The following WNT7B variants were observed in gnomAD, a reference collection of about 807,000 sequenced individuals.
The protein encoded by WNT7B is Wnt family member 7B.
In WNT7B, 19 loss-of-function variants were observed where a neutral mutation model predicts 38.2. That is an observed-to-expected ratio of 0.50 (90% CI 0.35 to 0.73). WNT7B has a LOEUF of 0.73. Ranked by LOEUF, WNT7B falls within the 30% of genes least tolerant of loss-of-function variation. The pLI is 0.01. For synonymous variants in WNT7B, 243 were observed against 209.3 expected, an observed-to-expected ratio of 1.16 and a Z score of -1.39; for missense variants, 423 against 507.9, an observed-to-expected ratio of 0.83 and a Z score of 1.61.
rs1930898305 is a variant in WNT7B at position 45,920,684 on chromosome 22, AT to A, written c.*2171del. 1.9e-5 allele frequency: 1 copy of A among 52,154 alleles called. No homozygotes were observed. The highest frequency in any genetic ancestry group is 1.1e-4 in the African/African-American group (1 of 9,100). 3.2% of individuals were successfully genotyped at this position (52,154 alleles called of 1,614,324 possible). A position where few individuals can be genotyped will look rare whatever the true frequency, so the allele number is the denominator to read the frequency against. Reference sequence around the variant, plus strand: ...ATGGGGAATAGGGATGAGGGATGGGATGGGGGATGGGGTCAGGGATGGGATG... The same window carrying A: ...ATGGGGAATAGGGATGAGGGATGGGAGGGGGATGGGGTCAGGGATGGGATG... On this transcript the variant is annotated 3_prime_UTR_variant, in exon 4 of 4. Transcript: ENST00000339464.
intron 2 of WNT7B, among the ~76,000 whole-genome samples, chr22:45,939,144 T>C (rs1931581569): frequency 6.6e-6 from 1 of 152,134 alleles, no homozygotes; most frequent in Non-Finnish European, 1.5e-5. Context: ...GGGACCCCTG[T>C]ATGCTGGTGG....
At chr22:45,949,808 C>G in intron 2 of WNT7B, 112 bp downstream of exon 2, 3 of 1,061,588 alleles carry the variant, frequency 2.8e-6, no homozygotes, top group Non-Finnish European at 4.0e-6. Context: ...AAGAAATTGG[C>G]CCCCCAGGAG....
At chr22:45,941,779 C>T (rs77648578) in intron 2 of WNT7B, among the ~76,000 whole-genome samples, 240 of 152,362 alleles carry the variant, frequency 1.6e-3, no homozygotes, top group Admixed American at 4.6e-3. Context: ...GCTTGTGCTC[C>T]GTGACCCTGG....
intron 1 of WNT7B, chr22:45,972,116 G>GGGCCCCCCCCCCCCC: frequency 1.9e-6 from 1 of 530,738 alleles, no homozygotes; most frequent in Non-Finnish European, 3.3e-6. Context: ...CCCGGGGGGA[G>GGGCCCCCCCCCCCCC]CCCACCCGCC....
intron 3 of WNT7B, chr22:45,925,534 G>C (rs1931056420): frequency 1.0e-6 from 1 of 985,146 alleles, no homozygotes; most frequent in East Asian, 1.1e-4. Flanking sequence ...GCGTGTCTGG[G>C]CGACCCCCAG....
Position 45,975,688 on chromosome 22 carries a change from G to A in WNT7B, c.71+996C>T. On this transcript the variant is annotated intron_variant, in intron 1 of 3. Transcript: ENST00000339464. This position sits in a 1 kb window ranked among gnomAD's most constrained non-coding sequence, Gnocchi z 6.6. ...CTCCCGCGGGTCTGTTCACCGCCTT[G>A]CCTGTGGCCTGGACGGGGCTCGCCT... The A allele has an allele frequency of 1.6e-6, 1 of 636,596 alleles. No homozygotes were observed. Among genetic ancestry groups the A allele is most frequent in the Non-Finnish European group, 2.9e-6 (1 of 339,268 alleles). 39.4% of individuals were successfully genotyped at this position (636,596 alleles called of 1,614,324 possible).
intron 1 of WNT7B, among the ~76,000 whole-genome samples, chr22:45,957,696 A>AAAAAAAAC (rs1360748525): frequency 1.3e-5 from 2 of 149,322 alleles, no homozygotes; most frequent in African/African-American, 4.9e-5. Flanking sequence ...AAAAAAAAAA[A>AAAAAAAAC]AAAAAAAAAA....
At chr22:45,968,099 C>A (rs981808562) in intron 1 of WNT7B, among the ~76,000 whole-genome samples, 10 of 152,124 alleles carry the variant, frequency 6.6e-5, no homozygotes, top group Non-Finnish European at 1.2e-4. Context: ...TGGAGGGGAA[C>A]CCCTGGTGAA....
intron 1 of WNT7B, among the ~76,000 whole-genome samples, chr22:45,959,677 T>C (rs965306300): frequency 6.6e-6 from 1 of 151,918 alleles, no homozygotes; most frequent in Non-Finnish European, 1.5e-5. Context: ...CAGCAGAGAC[T>C]CCTCCCACCT....
chr22:45,965,668 G>C lies in WNT7B; in HGVS notation c.71+11016C>G, dbSNP rs1194544050. On this transcript the variant is annotated intron_variant, in intron 1 of 3. Transcript: ENST00000339464. The surrounding 1 kb of genome is among the most constrained non-coding windows in gnomAD (Gnocchi z 6.5). The stretch of plus-strand genomic sequence containing the variant: ...GGCCAGGCTGGTCTCAGAGCTCCTG[G>C]GTCAGGGGCGAAAGCAGGACAAGAC... Among the ~76,000 whole-genome samples the C allele has an allele frequency of 1.3e-5, 2 of 152,176 alleles. No homozygotes were observed. The highest frequency in any genetic ancestry group is 6.5e-5 in the Admixed American group (1 of 15,286).
intron 2 of WNT7B, among the ~76,000 whole-genome samples, chr22:45,947,661 C>T (rs987002090): frequency 3.3e-5 from 5 of 152,314 alleles, no homozygotes; most frequent in East Asian, 1.9e-4. Context: ...GGCTACAAGC[C>T]GGGGCCCAGA....
chr22:45,975,489 C>T lies in WNT7B; in HGVS notation c.71+1195G>A. 1.4e-6 allele frequency: 1 copy of T among 712,616 alleles called. No individual in the cohort carries two copies. The highest frequency in any genetic ancestry group is 2.0e-5 in the Admixed American group (1 of 49,584). The allele number at this position is 712,616 out of a possible 1,614,324, so 44.1% of individuals were successfully genotyped here. The stretch of plus-strand genomic sequence containing the variant: ...CAGGCTAGGACGGGGGCTTCCAGTC[C>T]TGCCTCTGAAGCCACTGGCTTTGTC... On this transcript the variant is annotated intron_variant, in intron 1 of 3. Transcript: ENST00000339464. This position sits in a 1 kb window ranked among gnomAD's most constrained non-coding sequence, Gnocchi z 6.6.
chr22:45,920,695 GGTC>G lies in WNT7B; in HGVS notation c.*2158_*2160del. On this transcript the variant is annotated 3_prime_UTR_variant, in exon 4 of 4. Transcript: ENST00000339464. ...GGATGAGGGATGGGATGGGGGATGGGGTCAGGGATGGGATGGGGGATGGGATGA... is the reference window on the plus strand; with the variant it reads ...GGATGAGGGATGGGATGGGGGATGGGAGGGATGGGATGGGGGATGGGATGA... 8.2e-6 allele frequency: 1 copy of G among 121,770 alleles called. No homozygotes were observed. Among genetic ancestry groups the G allele is most frequent in the Admixed American group, 7.5e-5 (1 of 13,262 alleles). 7.5% of individuals were successfully genotyped at this position (121,770 alleles called of 1,614,324 possible). A position where few individuals can be genotyped will look rare whatever the true frequency, so the allele number is the denominator to read the frequency against.
At chr22:45,935,177 G>A (rs940788286) in intron 2 of WNT7B, among the ~76,000 whole-genome samples, 3 of 152,142 alleles carry the variant, frequency 2.0e-5, no homozygotes, top group African/African-American at 7.2e-5. Flanking sequence ...CCTCCAGGCT[G>A]ACAGCGAGCC....
chr22:45,936,234 C>A (rs1931511351), intron 2 of WNT7B: 1 of 943,754 alleles, frequency 1.1e-6, no homozygotes, highest in Non-Finnish European at 1.3e-6. Flanking sequence ...CCATTTGATA[C>A]ATGGAACTCA....
At chr22:45,956,957 T>C (rs1601735288) in intron 1 of WNT7B, among the ~76,000 whole-genome samples, 1 of 151,898 alleles carries the variant, frequency 6.6e-6, no homozygotes, top group Non-Finnish European at 1.5e-5. Context: ...AATACAAAAA[T>C]TAGCTGGGCG....
At chr22:45,924,851 AGTGGC>A (rs1931030922) in intron 3 of WNT7B, among the ~76,000 whole-genome samples, 3 of 70,638 alleles carry the variant, frequency 4.2e-5, no homozygotes, top group African/African-American at 5.8e-5. Context: ...TGGGCCCTAG[AGTGGC>A]AGGTGGGTGC....
At chr22:45,972,214 G>C (rs931105094) in intron 1 of WNT7B, 4 of 649,038 alleles carry the variant, frequency 6.2e-6, no homozygotes, top group African/African-American at 3.8e-5. Flanking sequence ...AGACGAGCGC[G>C]CTGCGCGGCG....
intron 1 of WNT7B, among the ~76,000 whole-genome samples, chr22:45,971,995 G>A (rs974091738): frequency 2.0e-5 from 3 of 152,176 alleles, no homozygotes; most frequent in African/African-American, 7.2e-5. Flanking sequence ...GGCAGCTTAG[G>A]CTGGCGAGGC....
Sources: allele counts gnomAD v4.1 joint callset (sites outside exome capture counted in the v4.1 genomes callset), GRCh38; gene constraint gnomAD v4.1.1; non-coding constraint Gnocchi (gnomAD v3.1); transcripts MANE v1.5; gene names NCBI Gene and HGNC (gene_info 2026-07-23, HGNC 2026-07-21).